CAST: variants seen among roughly 807,000 people sequenced by gnomAD.
CAST encodes the protein calpastatin, also known as MIR583 host.
Under a neutral mutation model 119.6 loss-of-function variants are expected in CAST, and 76 were observed. The ratio of observed to expected loss-of-function variants is 0.64; its 90% confidence interval spans 0.53 to 0.77. The LOEUF is 0.77. CAST is among the 30% of genes least tolerant of loss of function. The pLI, the probability that CAST is intolerant of heterozygous loss-of-function variation, is 0.00. For synonymous variants in CAST, 319 were observed against 331.6 expected (o/e 0.96, Z 0.41); for missense variants, 953 against 946.5 (o/e 1.01, Z -0.09).
the CAST span, among the ~76,000 whole-genome samples, chr5:96,041,617 G>A: frequency 6.6e-6 from 1 of 152,042 alleles, no homozygotes; most frequent in African/African-American, 2.4e-5. Flanking sequence ...GTACCACACA[G>A]TTGTAAGATG....
At chr5:96,619,484 G>A (rs1406494942) in intron 1 of CAST, among the ~76,000 whole-genome samples, 2 of 152,236 alleles carry the variant, frequency 1.3e-5, no homozygotes, top group Admixed American at 6.5e-5. Context: ...GGGAATAAAA[G>A]CAGGCTGCCC....
chr5:96,153,516 C>A, the CAST span, among the ~76,000 whole-genome samples: 1 of 152,150 alleles, frequency 6.6e-6, no homozygotes, highest in East Asian at 1.9e-4. Flanking sequence ...TGGAGGACCA[C>A]CATTTTTATT....
At chr5:96,458,037 C>T in the CAST span, among the ~76,000 whole-genome samples, 12 of 152,138 alleles carry the variant, frequency 7.9e-5, no homozygotes, top group South Asian at 2.1e-4. Context: ...GTTAACAGCT[C>T]GCCCAGTCTG....
chr5:96,421,960 AAG>A, the CAST span: 1 of 1,422,130 alleles, frequency 7.0e-7, no homozygotes, highest in Non-Finnish European at 9.9e-7. Context: ...CTGGATCCTA[AAG>A]AGACAACAAA....
At chr5:96,462,594 T>C in the CAST span, among the ~76,000 whole-genome samples, 8 of 152,138 alleles carry the variant, frequency 5.3e-5, no homozygotes, top group Non-Finnish European at 1.0e-4. Context: ...CATTCCCAGG[T>C]ATCCACTTCT....
rs781543065 is a variant in CAST at position 96,722,593 on chromosome 5, T to C, written c.211-46T>C. On this transcript the variant is annotated intron_variant, in intron 3 of 31. Coordinates refer to ENST00000675179, the MANE Select transcript of CAST (RefSeq NM_001750.7). ...AGGAGCTGAAGGACCATGTAGATTG[T>C]AGGTTAAATAGAATCGAACTTTCTA... 6 of 1,389,520 alleles carry C rather than the reference T, an allele frequency of 4.3e-6. No individual in the cohort carries two copies. The South Asian group carries it at 4.6e-5, about 11-fold the overall frequency. 86.1% of individuals were successfully genotyped at this position (1,389,520 alleles called of 1,614,324 possible). A position where few individuals can be genotyped will look rare whatever the true frequency, so the allele number is the denominator to read the frequency against.
At chr5:96,549,856 G>C (rs1429865428) in intron 1 of CAST, among the ~76,000 whole-genome samples, 1 of 152,230 alleles carries the variant, frequency 6.6e-6, no homozygotes, top group Non-Finnish European at 1.5e-5. Flanking sequence ...CATTGCTGAG[G>C]CTTCAGTAGG....
chr5:96,334,981 C>T, the CAST span, among the ~76,000 whole-genome samples: 1 of 152,192 alleles, frequency 6.6e-6, no homozygotes, highest in Non-Finnish European at 1.5e-5. Flanking sequence ...CATTATCGTC[C>T]TCCAATTTCA....
chr5:96,746,380 G>C lies in CAST; in HGVS notation c.1239G>C (p.Glu413Asp). Residue 413 changes from glutamate (E) to aspartate (D), a missense_variant, in exon 17 of 32, where the codon GAG becomes GAC. Coordinates refer to ENST00000675179, the MANE Select transcript of CAST (RefSeq NM_001750.7). The stretch of plus-strand genomic sequence containing the variant: ...AAGAAAAACTAGAGAAGTGTGGTGA[G>C]GATGATGAAACAATCCCATCTGAGT... Reference protein sequence around the residue: ...AKEEKLEKCGEDDETIPSEYR... With the variant: ...AKEEKLEKCGDDDETIPSEYR... 2 of 1,612,802 alleles carry C rather than the reference G, an allele frequency of 1.2e-6. No homozygotes were observed. The highest frequency in any genetic ancestry group is 1.1e-5 in the South Asian group (1 of 91,062).
At chr5:96,312,945 C>T in the CAST span, among the ~76,000 whole-genome samples, 1 of 152,076 alleles carries the variant, frequency 6.6e-6, no homozygotes, top group South Asian at 2.1e-4. Context: ...AGAGACGAGA[C>T]ATTTGTTCAT....
At chr5:96,388,283 C>G in the CAST span, among the ~76,000 whole-genome samples, 1 of 152,214 alleles carries the variant, frequency 6.6e-6, no homozygotes, top group African/African-American at 2.4e-5. Context: ...CAACAACATA[C>G]AGGCTTAGTT....
intron 1 of CAST, among the ~76,000 whole-genome samples, chr5:96,632,819 T>C (rs2150202139): frequency 6.6e-6 from 1 of 152,370 alleles, no homozygotes; most frequent in South Asian, 2.1e-4. Flanking sequence ...AGTAGCACGC[T>C]GTATTGATAG....
At chr5:96,041,481 GA>G in the CAST span, among the ~76,000 whole-genome samples, 1 of 152,094 alleles carries the variant, frequency 6.6e-6, no homozygotes, top group African/African-American at 2.4e-5. Flanking sequence ...AATGTAGTGT[GA>G]TAGTCTAGAT....
the CAST span, among the ~76,000 whole-genome samples, chr5:96,507,103 G>A: frequency 5.3e-5 from 8 of 152,082 alleles, no homozygotes; most frequent in Non-Finnish European, 1.0e-4. Flanking sequence ...CAGAGCCCTC[G>A]GGGAGGATGA....
At chr5:96,423,073 C>T in the CAST span, among the ~76,000 whole-genome samples, 4 of 152,186 alleles carry the variant, frequency 2.6e-5, no homozygotes. Flanking sequence ...GGCACTGCCC[C>T]TTCTTCTCCC....
intron 11 of CAST, among the ~76,000 whole-genome samples, chr5:96,738,725 G>A (rs1438237631): frequency 1.3e-5 from 2 of 152,050 alleles, no homozygotes; most frequent in African/African-American, 2.4e-5. Flanking sequence ...CTGAGGTCAG[G>A]AGTTCAAGAC....
chr5:96,535,917 CT>C (rs1480207075), intron 1 of CAST, among the ~76,000 whole-genome samples: 2 of 150,650 alleles, frequency 1.3e-5, no homozygotes, highest in Admixed American at 1.3e-4. Context: ...GTGGTACCTA[CT>C]TTTATTTGTT....
At chr5:96,625,197 A>G (rs1483345895) in intron 1 of CAST, among the ~76,000 whole-genome samples, 1 of 152,168 alleles carries the variant, frequency 6.6e-6, no homozygotes, top group Admixed American at 6.5e-5. Flanking sequence ...CAAAACAAAC[A>G]TCTGTTTAGG....
chr5:96,759,389 G>T (rs1001270553), intron 24 of CAST, among the ~76,000 whole-genome samples: 1 of 151,998 alleles, frequency 6.6e-6, no homozygotes, highest in Non-Finnish European at 1.5e-5. Flanking sequence ...ATTGATAATA[G>T]ACTATTTTAA....
Sources: gnomAD v4.1 joint callset for allele counts (sites outside exome capture counted in the v4.1 genomes callset) on GRCh38, gnomAD v4.1.1 for gene constraint, MANE v1.5 for transcripts, NCBI Gene and HGNC (gene_info 2026-07-23, HGNC 2026-07-21) for gene names.